ZBBX: variants seen among roughly 807,000 people sequenced by gnomAD.
ZBBX encodes zinc finger B-box domain-containing protein 1.
Under a neutral mutation model 108.5 loss-of-function variants are expected in ZBBX, and 101 were observed. The observed-to-expected ratio is 0.93, with a 90% CI of 0.79 to 1.10. The LOEUF is 1.10. Among genes scored for constraint, ZBBX ranks in the 50% least tolerant of loss-of-function variants. ZBBX has a pLI of 0.00. For missense variants in ZBBX, 1,009 were observed against 941.4 expected (o/e 1.07, Z -0.94); for synonymous variants, 356 against 323.4 (o/e 1.10, Z -1.08).
intron 20 of ZBBX, among the ~76,000 whole-genome samples, chr3:167,272,250 G>A (rs540502647): frequency 4.7e-4 from 72 of 152,142 alleles, no homozygotes; most frequent in South Asian, 2.3e-3. Flanking sequence ...ATATCCCTAC[G>A]TTTGAGACAA....
chr3:167,263,447 A>C (rs1200186430), intron 20 of ZBBX, among the ~76,000 whole-genome samples: 3 of 152,062 alleles, frequency 2.0e-5, no homozygotes, highest in Non-Finnish European at 4.4e-5. Context: ...TGTTTCAAGA[A>C]ATTTTTCCAT....
At chr3:167,405,065 G>C (rs562100229) in intron 1 of ZBBX, among the ~76,000 whole-genome samples, 46 of 152,250 alleles carry the variant, frequency 3.0e-4, no homozygotes, top group African/African-American at 1.1e-3. Context: ...GAGACTGCAT[G>C]GATGCTTTTT....
At chr3:167,338,077 A>G (rs1456543822) in intron 9 of ZBBX, among the ~76,000 whole-genome samples, 1 of 152,192 alleles carries the variant, frequency 6.6e-6, no homozygotes, top group Non-Finnish European at 1.5e-5. Context: ...CAAGGCACAT[A>G]GTAAATCATA....
At chr3:167,203,544 T>C in the ZBBX span, among the ~76,000 whole-genome samples, 16 of 152,268 alleles carry the variant, frequency 1.1e-4, no homozygotes, top group African/African-American at 3.6e-4. Flanking sequence ...ATAAGTAGGT[T>C]AAGTGAAGTT....
chr3:167,195,878 T>C, the ZBBX span, among the ~76,000 whole-genome samples: 1 of 152,218 alleles, frequency 6.6e-6, no homozygotes, highest in Admixed American at 6.5e-5. Flanking sequence ...CTTCACTTAA[T>C]GTTGAAGTTC....
chr3:167,341,602 A>AAT (rs1241054773), intron 9 of ZBBX, among the ~76,000 whole-genome samples: 1 of 151,954 alleles, frequency 6.6e-6, no homozygotes, highest in Non-Finnish European at 1.5e-5. Flanking sequence ...GAATAGCAAA[A>AAT]ACAAAATAAC....
the ZBBX span, among the ~76,000 whole-genome samples, chr3:167,220,812 T>C: frequency 5.3e-5 from 8 of 151,896 alleles, no homozygotes; most frequent in Non-Finnish European, 7.4e-5. Flanking sequence ...TATAATATCA[T>C]CTTAAATTTG....
rs1023870901 is a variant in ZBBX, at chr3:167,279,779, C to T, written c.2254+2459G>A. On this transcript the variant is annotated intron_variant, in intron 20 of 21. Transcript: ENST00000675490. ...GTTCATATGGAACCAGAAAAGAGCC[C>T]GCATCGCCAAGTCAATCCTAAGCCA... Among the ~76,000 whole-genome samples, 8 of 152,084 alleles carry T rather than the reference C, an allele frequency of 5.3e-5. No individual in the cohort carries two copies. In the South Asian group the frequency reaches 6.2e-4, roughly 12 times the overall value.
At chr3:167,194,626 A>C in the ZBBX span, among the ~76,000 whole-genome samples, 5 of 152,186 alleles carry the variant, frequency 3.3e-5, no homozygotes, top group Non-Finnish European at 5.9e-5. Flanking sequence ...TCTGGGGGCT[A>C]AAGCAGAAGA....
chr3:167,250,039 C>A (rs1025159953), intron 20 of ZBBX, among the ~76,000 whole-genome samples: 6 of 152,240 alleles, frequency 3.9e-5, no homozygotes, highest in Admixed American at 3.3e-4. Context: ...AGGCTAAGAG[C>A]GGCCTTGACA....
chr3:167,294,509 C>T (rs558769879), intron 18 of ZBBX, among the ~76,000 whole-genome samples: 3 of 152,316 alleles, frequency 2.0e-5, no homozygotes, highest in African/African-American at 7.2e-5. Flanking sequence ...AAAACTGAAA[C>T]TGGATCCCTT....
At chr3:167,279,218 T>A (rs1293814892) in intron 20 of ZBBX, among the ~76,000 whole-genome samples, 10 of 152,190 alleles carry the variant, frequency 6.6e-5, no homozygotes, top group African/African-American at 2.2e-4. Flanking sequence ...ACCACTCCTG[T>A]TCAACATAGT....
the ZBBX span, among the ~76,000 whole-genome samples, chr3:167,202,666 G>A: frequency 6.6e-6 from 1 of 152,074 alleles, no homozygotes; most frequent in East Asian, 1.9e-4. Context: ...TAATAGCTAT[G>A]TTTTAAAACC....
chr3:167,298,556 G>A (rs1024053419), intron 17 of ZBBX, 98 bp from the exon 18 acceptor site: 24 of 895,914 alleles, frequency 2.7e-5, no homozygotes, highest in Non-Finnish European at 3.4e-5. Flanking sequence ...GATATACTTG[G>A]CACAAATTCT....
In ZBBX at chr3:167,243,994, C is replaced by T. The variant is rs1293298434; in HGVS notation, c.2255-1351G>A. 2.6e-5 allele frequency among the ~76,000 whole-genome samples: 4 copies of T among 151,912 alleles called. No individual in the cohort carries two copies. In the East Asian group the frequency reaches 7.7e-4, roughly 29 times the overall value. ...CATATCCTCAGCAATCAGGACTTTA[C>T]CTGATCTAAATTTAGGGGCTCTATA... On this transcript the variant is annotated intron_variant, in intron 20 of 21. Coordinates refer to ENST00000675490, the MANE Select transcript of ZBBX (RefSeq NM_001199201.2).
chr3:167,319,332 T>C (rs1735999357), intron 12 of ZBBX, among the ~76,000 whole-genome samples: 1 of 151,960 alleles, frequency 6.6e-6, no homozygotes, highest in Non-Finnish European at 1.5e-5. Flanking sequence ...TTTGTAAGGG[T>C]GGACAACAGA....
intron 8 of ZBBX, among the ~76,000 whole-genome samples, chr3:167,355,245 T>C (rs1743350875): frequency 6.6e-6 from 1 of 151,978 alleles, no homozygotes; most frequent in Non-Finnish European, 1.5e-5. Context: ...ATTTAAAAAT[T>C]TGCCAACAAC....
intron 18 of ZBBX, 52 bp from the exon 19 acceptor site, chr3:167,289,035 A>G: frequency 7.6e-7 from 1 of 1,323,210 alleles, no homozygotes. Context: ...AAGAAAATCC[A>G]TTTTATTAGT....
chr3:167,372,791 T>C, intron 4 of ZBBX, 43 bp downstream of exon 4: 2 of 1,014,476 alleles, frequency 2.0e-6, no homozygotes, highest in South Asian at 3.0e-5. Flanking sequence ...ATACAGAAGC[T>C]TTGCAACTAT....
Sources: allele counts gnomAD v4.1 joint callset (sites outside exome capture counted in the v4.1 genomes callset), GRCh38; gene constraint gnomAD v4.1.1; transcripts MANE v1.5; gene names NCBI Gene and HGNC (gene_info 2026-07-23, HGNC 2026-07-21).